RARB: variants seen among roughly 807,000 people sequenced by gnomAD.
RARB encodes the protein HBV-activated protein.
In RARB, 17 loss-of-function variants were observed where a neutral mutation model predicts 51.9. The ratio of observed to expected loss-of-function variants is 0.33; its 90% CI spans 0.22 to 0.49. The LOEUF (loss-of-function observed/expected upper bound fraction) is 0.49, where lower values mean the gene tolerates loss of function less well. RARB is among the 20% of genes least tolerant of loss of function. The probability of loss-of-function intolerance (pLI) is 0.99; values close to 1 mark genes in which losing one functional copy is unlikely to be tolerated. For synonymous variants in RARB, 215 were observed against 195.4 expected, an observed-to-expected ratio of 1.10 and a Z score of -0.84; for missense variants, 369 against 550.8, an observed-to-expected ratio of 0.67 and a Z score of 3.30.
At chr3:25,283,059 A>G (rs996469584) in intron 5 of RARB, among the ~76,000 whole-genome samples, 1 of 152,202 alleles carries the variant, frequency 6.6e-6, no homozygotes, top group African/African-American at 2.4e-5. Flanking sequence ...CAGAGTGGTT[A>G]TGTAGCTGGC....
intron 1 of RARB, among the ~76,000 whole-genome samples, chr3:24,855,639 C>A (rs1702621099): frequency 6.6e-6 from 1 of 151,742 alleles, no homozygotes; most frequent in Non-Finnish European, 1.5e-5. Context: ...AAGACATAAT[C>A]AATACATGTT....
At chr3:24,927,868 G>A (rs1695354347) in intron 2 of RARB, among the ~76,000 whole-genome samples, 1 of 152,012 alleles carries the variant, frequency 6.6e-6, no homozygotes, top group African/African-American at 2.4e-5. Context: ...GCTTGGCAGA[G>A]AATAAGAAAA....
At chr3:25,002,109 A>G (rs370818424) in intron 2 of RARB, among the ~76,000 whole-genome samples, 1 of 152,134 alleles carries the variant, frequency 6.6e-6, no homozygotes, top group African/African-American at 2.4e-5. Flanking sequence ...TTAGGGAGGT[A>G]ATTTTGGTTT....
intron 3 of RARB, among the ~76,000 whole-genome samples, chr3:25,066,930 A>G (rs929131984): frequency 1.3e-5 from 2 of 152,078 alleles, no homozygotes; most frequent in African/African-American, 2.4e-5. Context: ...GCCTCCCCTT[A>G]TGTGGAGTGG....
intron 5 of RARB, among the ~76,000 whole-genome samples, chr3:25,362,504 C>T (rs1039754977): frequency 6.6e-6 from 1 of 152,180 alleles, no homozygotes; most frequent in African/African-American, 2.4e-5. Context: ...GCTGGCATTC[C>T]AGGCGCCACA....
chr3:25,597,841 ATTGT>A lies in RARB; in HGVS notation c.*1232_*1235del, dbSNP rs375252094. 56 of 152,308 alleles carry A rather than the reference ATTGT, an allele frequency of 3.7e-4. 1 individual carries two copies. The highest frequency in any genetic ancestry group is 6.0e-4 in the African/African-American group (25 of 41,360). 9.4% of individuals were successfully genotyped at this position (152,308 alleles called of 1,614,324 possible). A position where few individuals can be genotyped will look rare whatever the true frequency, so the allele number is the denominator to read the frequency against. On this transcript the variant is annotated 3_prime_UTR_variant, in exon 8 of 8. Transcript: ENST00000330688. The stretch of plus-strand genomic sequence containing the variant: ...TCACTGGCTCTGTTTGTACATTGAG[ATTGT>A]TTGTTTAACAATGCTTTCTATGTTC...
At chr3:25,477,246 C>T (rs1332907665) in intron 2 of RARB, among the ~76,000 whole-genome samples, 2 of 152,164 alleles carry the variant, frequency 1.3e-5, no homozygotes, top group African/African-American at 4.8e-5. Flanking sequence ...GCAGAGGTGC[C>T]TGCCCCATCT....
At chr3:25,491,327 A>C (rs1696726210) in intron 2 of RARB, among the ~76,000 whole-genome samples, 1 of 152,124 alleles carries the variant, frequency 6.6e-6, no homozygotes, top group Non-Finnish European at 1.5e-5. Flanking sequence ...CAGTAGTAAA[A>C]CATAAAACCC....
intron 3 of RARB, among the ~76,000 whole-genome samples, chr3:25,505,103 A>G (rs1011150974): frequency 5.3e-5 from 8 of 152,228 alleles, no homozygotes; most frequent in Non-Finnish European, 1.2e-4. Context: ...TTAATGCTTT[A>G]TCCCATTGAT....
chr3:25,348,893 A>G (rs1187249940), intron 5 of RARB, among the ~76,000 whole-genome samples: 2 of 152,166 alleles, frequency 1.3e-5, no homozygotes, highest in Non-Finnish European at 2.9e-5. Flanking sequence ...GAGTTTCCAT[A>G]TGAAGCCTAT....
At chr3:24,918,414 A>C (rs1276529717) in intron 2 of RARB, among the ~76,000 whole-genome samples, 1 of 152,198 alleles carries the variant, frequency 6.6e-6, no homozygotes, top group African/African-American at 2.4e-5. Flanking sequence ...ACAGGAATTA[A>C]CTGCAAAAGA....
intron 5 of RARB, among the ~76,000 whole-genome samples, chr3:25,250,790 A>T (rs537015547): frequency 1.3e-5 from 2 of 152,116 alleles, no homozygotes; most frequent in Admixed American, 6.5e-5. Flanking sequence ...TCCTCAAGCA[A>T]TGCTGTCATG....
Position 25,468,962 on chromosome 3 carries a change from G to A in RARB, c.306+7621G>A, listed in dbSNP as rs574086592. Among the ~76,000 whole-genome samples the A allele has an allele frequency of 3.3e-5, 5 of 152,352 alleles. No individual in the cohort carries two copies. The South Asian group carries it at 1.0e-3, about 32-fold the overall frequency. ...CGAGGCCTGGCACAGCCGTGATGGC[G>A]TGTCTTCTCCACAAGGGCGCAGAGG... is the stretch of plus-strand genomic sequence containing the variant. On this transcript the variant is annotated intron_variant, in intron 2 of 7. Coordinates refer to ENST00000330688, the MANE Select transcript of RARB (RefSeq NM_000965.5).
chr3:25,135,350 G>A (rs1385988603), intron 4 of RARB, among the ~76,000 whole-genome samples: 3 of 151,814 alleles, frequency 2.0e-5, no homozygotes, highest in Non-Finnish European at 4.4e-5. Flanking sequence ...CAATTCTAAA[G>A]CGTCCTTCAT....
intron 5 of RARB, chr3:25,259,135 A>G (rs1341772947): frequency 1.1e-6 from 1 of 917,920 alleles, no homozygotes; most frequent in East Asian, 1.2e-4. Flanking sequence ...CTCTCAAGAA[A>G]CACTATTTAA....
At chr3:25,310,098 T>A (rs1208828608) in intron 5 of RARB, among the ~76,000 whole-genome samples, 1 of 152,180 alleles carries the variant, frequency 6.6e-6, no homozygotes, top group African/African-American at 2.4e-5. Context: ...GAAAATGATG[T>A]GTGTAGCTTC....
chr3:25,488,028 T>A (rs1342895189), intron 2 of RARB, among the ~76,000 whole-genome samples: 1 of 152,206 alleles, frequency 6.6e-6, no homozygotes, highest in Non-Finnish European at 1.5e-5. Context: ...TCTGGAGGGA[T>A]TTATTCAGCT....
intron 4 of RARB, among the ~76,000 whole-genome samples, chr3:25,153,981 TGAA>T (rs1164733786): frequency 1.3e-5 from 2 of 152,230 alleles, no homozygotes; most frequent in Non-Finnish European, 2.9e-5. Flanking sequence ...AAGAGGTACA[TGAA>T]GAATGCAGAG....
intron 2 of RARB, among the ~76,000 whole-genome samples, chr3:25,026,950 T>C (rs1697761788): frequency 1.3e-5 from 2 of 151,112 alleles, no homozygotes; most frequent in Non-Finnish European, 2.9e-5. Context: ...GTTTTCATTT[T>C]TCTTATTCAT....
Sources: allele counts gnomAD v4.1 joint callset (sites outside exome capture counted in the v4.1 genomes callset), GRCh38; gene constraint gnomAD v4.1.1; transcripts MANE v1.5; gene names NCBI Gene and HGNC (gene_info 2026-07-23, HGNC 2026-07-21).